GPC5: variants seen among roughly 807,000 people sequenced by gnomAD.
GPC5 encodes glypican 5.
In GPC5, 47 loss-of-function variants were observed where a neutral mutation model predicts 53.9. The observed-to-expected ratio is 0.87, with a 90% CI of 0.69 to 1.11. GPC5 has a LOEUF of 1.11. Among genes scored for constraint, GPC5 ranks in the 50% most tolerant of loss-of-function variants. GPC5 has a pLI of 0.00. For missense variants in GPC5, 748 were observed against 713.1 expected (o/e 1.05, Z -0.56); for synonymous variants, 286 against 263.3 (o/e 1.09, Z -0.84).
intron 7 of GPC5, among the ~76,000 whole-genome samples, chr13:92,629,082 G>A (rs923982097): frequency 3.3e-5 from 5 of 152,134 alleles, no homozygotes; most frequent in Non-Finnish European, 7.3e-5. Flanking sequence ...AGTGGCCCTA[G>A]AATAAGTCTA....
At chr13:91,609,629 G>A (rs7987991) in intron 2 of GPC5, among the ~76,000 whole-genome samples, 12,293 of 152,250 alleles carry the variant, frequency 0.081, 742 homozygotes, top group South Asian at 0.25. Context: ...CAGATAGGCA[G>A]TGAGGATAAA....
intron 6 of GPC5, among the ~76,000 whole-genome samples, chr13:92,130,400 G>A (rs2041733519): frequency 6.6e-6 from 1 of 150,430 alleles, no homozygotes; most frequent in Admixed American, 6.6e-5. Flanking sequence ...AGTAAGTTCT[G>A]TATCTGTTAT....
At chr13:92,014,185 A>T (rs967381891) in intron 6 of GPC5, among the ~76,000 whole-genome samples, 3 of 152,194 alleles carry the variant, frequency 2.0e-5, no homozygotes, top group Non-Finnish European at 4.4e-5. Flanking sequence ...TGGAGTGCTC[A>T]TTATGCATAA....
At chr13:92,450,233 C>G (rs1878003550) in intron 7 of GPC5, among the ~76,000 whole-genome samples, 1 of 152,112 alleles carries the variant, frequency 6.6e-6, no homozygotes, top group African/African-American at 2.4e-5. Flanking sequence ...ACCTGAAGTA[C>G]AGGTCGAGTA....
At chr13:92,816,270 G>A (rs1877470856) in intron 7 of GPC5, among the ~76,000 whole-genome samples, 1 of 152,048 alleles carries the variant, frequency 6.6e-6, no homozygotes, top group African/African-American at 2.4e-5. Context: ...GATAGGTCAT[G>A]GAACTCAGCC....
chr13:91,790,576 T>C (rs983785555), intron 5 of GPC5, among the ~76,000 whole-genome samples: 6 of 152,246 alleles, frequency 3.9e-5, no homozygotes, highest in Non-Finnish European at 7.3e-5. Context: ...ATGTTAATGA[T>C]GATTTCTATG....
At chr13:92,328,562 A>G (rs942732177) in intron 7 of GPC5, among the ~76,000 whole-genome samples, 3 of 152,146 alleles carry the variant, frequency 2.0e-5, no homozygotes, top group Non-Finnish European at 4.4e-5. Context: ...AGAGAACCAG[A>G]GTTCATTGTC....
chr13:91,505,766 A>G (rs910202752), intron 2 of GPC5, among the ~76,000 whole-genome samples: 1 of 152,160 alleles, frequency 6.6e-6, no homozygotes, highest in Non-Finnish European at 1.5e-5. Flanking sequence ...GGGGAAATCC[A>G]TAAGTGTATG....
intron 3 of GPC5, among the ~76,000 whole-genome samples, chr13:91,721,058 TCCTTC>T (rs1168044556): frequency 1.3e-5 from 2 of 151,692 alleles, no homozygotes; most frequent in African/African-American, 4.8e-5. Flanking sequence ...CTTTCTTCCT[TCCTTC>T]CCTTTCTTTC....
intron 7 of GPC5, among the ~76,000 whole-genome samples, chr13:92,275,509 G>A (rs2042869143): frequency 6.6e-6 from 1 of 152,074 alleles, no homozygotes; most frequent in East Asian, 1.9e-4. Flanking sequence ...TGCAAACTTT[G>A]TCTAAACAAT....
At chr13:91,502,434 A>G (rs1884690940) in intron 2 of GPC5, among the ~76,000 whole-genome samples, 1 of 152,176 alleles carries the variant, frequency 6.6e-6, no homozygotes, top group South Asian at 2.1e-4. Context: ...TTGTTTAACT[A>G]GATAGCTTAA....
Position 91,907,931 on chromosome 13 carries a change from T to G in GPC5, c.1281-6T>G. On this transcript the variant is annotated splice_region_variant and splice_polypyrimidine_tract_variant and intron_variant, in intron 5 of 7. Transcript: ENST00000377067. ...TAAGTCATATCTTTCACATTTCCCT[T>G]GCTAGTTATACTCAGCGTGTGGTTG... 1 of 1,594,492 alleles carries G rather than the reference T, an allele frequency of 6.3e-7. No homozygotes were observed. Among genetic ancestry groups the G allele is most frequent in the Non-Finnish European group, 8.5e-7 (1 of 1,178,262 alleles).
intron 7 of GPC5, chr13:92,721,583 A>G (rs1888510245): frequency 6.6e-6 from 1 of 152,058 alleles, no homozygotes; most frequent in Admixed American, 6.6e-5. Flanking sequence ...CCTTTGTTGA[A>G]GTGCTCAGAA....
intron 7 of GPC5, among the ~76,000 whole-genome samples, chr13:92,253,581 G>T (rs767721501): frequency 6.6e-6 from 1 of 152,222 alleles, no homozygotes; most frequent in South Asian, 2.1e-4. Flanking sequence ...TGCAGCCATG[G>T]CATTGCAAAG....
intron 7 of GPC5, among the ~76,000 whole-genome samples, chr13:92,719,749 C>T (rs1261820803): frequency 6.6e-6 from 1 of 152,106 alleles, no homozygotes; most frequent in African/African-American, 2.4e-5. Flanking sequence ...ATCAACGTCA[C>T]ATATTGTCTT....
intron 6 of GPC5, among the ~76,000 whole-genome samples, chr13:91,974,830 G>C (rs1347648466): frequency 6.6e-6 from 1 of 152,126 alleles, no homozygotes; most frequent in East Asian, 1.9e-4. Context: ...TAAGCCAAAA[G>C]AACAAAGCCG....
intron 1 of GPC5, among the ~76,000 whole-genome samples, chr13:91,434,483 G>C (rs191831371): frequency 7.9e-5 from 12 of 152,104 alleles, no homozygotes; most frequent in African/African-American, 2.9e-4. Flanking sequence ...TCTTGTTTTT[G>C]TCAGGTTTGT....
intron 7 of GPC5, among the ~76,000 whole-genome samples, chr13:92,729,912 A>C (rs1282628491): frequency 1.3e-5 from 2 of 151,444 alleles, no homozygotes; most frequent in African/African-American, 4.8e-5. Context: ...CCAGTCTTGC[A>C]ACTCAAAATA....
chr13:92,422,965 G>A lies in GPC5; in HGVS notation c.1561+277976G>A, dbSNP rs117672802. 7.6e-3 allele frequency among the ~76,000 whole-genome samples: 1,161 copies of A among 152,288 alleles called. 7 individuals are homozygous for A. The highest frequency in any genetic ancestry group is 0.013 in the Non-Finnish European group (878 of 68,012). Reference sequence around the variant, plus strand: ...CAGGCTGTTTTAACAAAATGTTGCAGACTAGACAGCTTATAAACAACAGCA... The same window carrying A: ...CAGGCTGTTTTAACAAAATGTTGCAAACTAGACAGCTTATAAACAACAGCA... On this transcript the variant is annotated intron_variant, in intron 7 of 7. Coordinates refer to ENST00000377067, the MANE Select transcript of GPC5 (RefSeq NM_004466.6).
Sources: allele counts gnomAD v4.1 joint callset (sites outside exome capture counted in the v4.1 genomes callset), GRCh38; gene constraint gnomAD v4.1.1; transcripts MANE v1.5; gene names NCBI Gene and HGNC (gene_info 2026-07-23, HGNC 2026-07-21).